NELL1: variants seen among roughly 807,000 people sequenced by gnomAD.
The protein encoded by NELL1 is neural EGFL like 1.
NELL1 carries 76 observed loss-of-function variants against 107.4 expected under a neutral mutation model. The ratio of observed to expected loss-of-function variants is 0.71; its 90% CI spans 0.59 to 0.86. The LOEUF (loss-of-function observed/expected upper bound fraction) is 0.86, where lower values mean the gene tolerates loss of function less well. NELL1 is among the 40% of genes least tolerant of loss of function. NELL1 has a pLI of 0.00. For missense variants in NELL1, 1,024 were observed against 1,005.5 expected (o/e 1.02, Z -0.25); for synonymous variants, 353 against 341.2 (o/e 1.03, Z -0.38).
At chr11:21,493,064 C>G (rs2133919440) in intron 15 of NELL1, among the ~76,000 whole-genome samples, 1 of 151,928 alleles carries the variant, frequency 6.6e-6, no homozygotes, top group African/African-American at 2.4e-5. Context: ...GTTAGAATGG[C>G]TATTATTAAA....
intron 16 of NELL1, among the ~76,000 whole-genome samples, chr11:21,546,409 A>C (rs931893822): frequency 6.6e-6 from 1 of 151,960 alleles, no homozygotes; most frequent in African/African-American, 2.4e-5. Flanking sequence ...AGAGATCATC[A>C]TTGATATGGT....
intron 13 of NELL1, among the ~76,000 whole-genome samples, chr11:21,189,172 T>G (rs1237431288): frequency 6.6e-6 from 1 of 152,000 alleles, no homozygotes; most frequent in East Asian, 1.9e-4. Context: ...GATACAGTAA[T>G]CCATTGTATG....
chr11:20,978,706 G>A (rs957114009), intron 12 of NELL1, among the ~76,000 whole-genome samples: 2 of 152,084 alleles, frequency 1.3e-5, no homozygotes, highest in African/African-American at 4.8e-5. Flanking sequence ...TACTTAACCT[G>A]GCCCTGTCTG....
chr11:21,282,926 A>G (rs900145828), intron 14 of NELL1, among the ~76,000 whole-genome samples: 43 of 152,212 alleles, frequency 2.8e-4, no homozygotes, highest in Middle Eastern at 3.2e-3. Flanking sequence ...CCAGGCACAG[A>G]ATGACAAATT....
intron 4 of NELL1, among the ~76,000 whole-genome samples, chr11:20,883,167 G>A (rs1197889584): frequency 6.6e-6 from 1 of 152,324 alleles, no homozygotes; most frequent in East Asian, 1.9e-4. Flanking sequence ...AGCTTCCTTG[G>A]CATCAGGATG....
chr11:21,282,571 G>GTGGGAA (rs1290208134), intron 14 of NELL1, among the ~76,000 whole-genome samples: 1 of 152,076 alleles, frequency 6.6e-6, no homozygotes, highest in East Asian at 1.9e-4. Flanking sequence ...AACACTGTTG[G>GTGGGAA]TGGGAATGTA....
At position 20,687,738 on chromosome 11, in the gene NELL1, C is replaced by T. The variant is rs936573988; in HGVS notation, c.184+9678C>T. Among the ~76,000 whole-genome samples, 19 of 151,940 alleles carry T rather than the reference C, an allele frequency of 1.3e-4. 1 individual carries two copies. The South Asian group carries it at 3.9e-3, about 32-fold the overall frequency. On this transcript the variant is annotated intron_variant, in intron 2 of 19. Transcript: ENST00000357134. ...TCCTGAGTAGCTGGGATTACAGGTG[C>T]TCACTACCACACCCAGCTAATTTTT...
intron 15 of NELL1, among the ~76,000 whole-genome samples, chr11:21,487,691 A>T (rs951528601): frequency 2.6e-5 from 4 of 152,186 alleles, no homozygotes; most frequent in African/African-American, 9.6e-5. Context: ...AATAACCTCG[A>T]ATTTAAATGG....
intron 3 of NELL1, among the ~76,000 whole-genome samples, chr11:20,821,369 A>T (rs1028756838): frequency 3.3e-5 from 5 of 152,150 alleles, no homozygotes; most frequent in African/African-American, 7.2e-5. Flanking sequence ...CTACAGTAAG[A>T]TGTGTCAAGT....
At chr11:20,897,334 T>C (rs1849763557) in intron 5 of NELL1, among the ~76,000 whole-genome samples, 1 of 152,198 alleles carries the variant, frequency 6.6e-6, no homozygotes, top group Non-Finnish European at 1.5e-5. Context: ...ATTTAATAAA[T>C]GGTGCTGGGA....
At chr11:20,859,047 C>A (rs528056695) in intron 4 of NELL1, among the ~76,000 whole-genome samples, 2 of 152,208 alleles carry the variant, frequency 1.3e-5, no homozygotes, top group East Asian at 3.9e-4. Flanking sequence ...CCTGTGCCTG[C>A]TTCGTCATTT....
chr11:21,209,699 T>C (rs1429259140), intron 13 of NELL1, among the ~76,000 whole-genome samples: 1 of 152,122 alleles, frequency 6.6e-6, no homozygotes, highest in African/African-American at 2.4e-5. Flanking sequence ...ATAATCTGGT[T>C]TTAGAACATT....
intron 13 of NELL1, among the ~76,000 whole-genome samples, chr11:21,124,788 A>G (rs1590659458): frequency 6.6e-6 from 1 of 152,056 alleles, no homozygotes; most frequent in East Asian, 1.9e-4. Context: ...TTTAGTACAG[A>G]CAGGGTTTCT....
At chr11:20,677,703 A>C (rs1178884682) in intron 1 of NELL1, among the ~76,000 whole-genome samples, 1 of 152,164 alleles carries the variant, frequency 6.6e-6, no homozygotes, top group Non-Finnish European at 1.5e-5. Context: ...TTGGATAAGA[A>C]ATTATCAATC....
chr11:21,426,803 G>T (rs1478873680), intron 15 of NELL1, among the ~76,000 whole-genome samples: 1 of 152,142 alleles, frequency 6.6e-6, no homozygotes, highest in East Asian at 1.9e-4. Flanking sequence ...TCTTGTGCAC[G>T]TATGGGAGGG....
At chr11:20,867,498 C>T (rs7109481) in intron 4 of NELL1, among the ~76,000 whole-genome samples, 1 of 151,496 alleles carries the variant, frequency 6.6e-6, no homozygotes, top group Admixed American at 6.6e-5. Flanking sequence ...AGAAGACTTG[C>T]GTTCCAGCTT....
At chr11:21,329,073 C>T (rs1466294606) in intron 14 of NELL1, among the ~76,000 whole-genome samples, 1 of 152,032 alleles carries the variant, frequency 6.6e-6, no homozygotes, top group Admixed American at 6.6e-5. Flanking sequence ...GATTATGTTA[C>T]AAAACATGAG....
intron 17 of NELL1, among the ~76,000 whole-genome samples, chr11:21,565,650 C>T (rs188883931): frequency 4.8e-4 from 73 of 152,012 alleles, no homozygotes; most frequent in African/African-American, 1.7e-3. Context: ...TATCCCCTAG[C>T]CTCCTCACGA....
intron 11 of NELL1, among the ~76,000 whole-genome samples, chr11:20,958,851 G>A (rs1407687155): frequency 6.6e-6 from 1 of 152,124 alleles, no homozygotes; most frequent in Non-Finnish European, 1.5e-5. Context: ...GTGAAAACCC[G>A]CAAATAGCTC....
Sources: gnomAD v4.1 joint callset for allele counts (sites outside exome capture counted in the v4.1 genomes callset) on GRCh38, gnomAD v4.1.1 for gene constraint, MANE v1.5 for transcripts, NCBI Gene and HGNC (gene_info 2026-07-23, HGNC 2026-07-21) for gene names.